The following MRPS30 variants were observed in gnomAD, a reference collection of about 807,000 sequenced individuals.
MRPS30 encodes large ribosomal subunit protein mL65.
MRPS30 carries 42 observed loss-of-function variants against 43.8 expected under a neutral mutation model. That is an observed-to-expected ratio of 0.96 (90% CI 0.75 to 1.24). The LOEUF (loss-of-function observed/expected upper bound fraction) is 1.24, where lower values mean the gene tolerates loss of function less well. Among genes scored for constraint, MRPS30 ranks in the 50% most tolerant of loss-of-function variants. The probability of loss-of-function intolerance (pLI) is 0.00; values close to 1 mark genes in which losing one functional copy is unlikely to be tolerated. For missense variants in MRPS30, 638 were observed against 570.0 expected (o/e 1.12, Z -1.22); for synonymous variants, 273 against 228.2 (o/e 1.20, Z -1.77).
intron 1 of MRPS30, chr5:44,810,010 C>G: frequency 6.3e-6 from 1 of 158,836 alleles, no homozygotes; most frequent in Non-Finnish European, 1.4e-5. Context: ...TTTTCTTTTT[C>G]TTTAGTAACT....
In MRPS30 at chr5:44,815,209, A is replaced by G. The variant is rs78086852; in HGVS notation, c.*7A>G. On this transcript the variant is annotated 3_prime_UTR_variant, in exon 5 of 5. Coordinates refer to ENST00000507110, the MANE Select transcript of MRPS30 (RefSeq NM_016640.4). ...ACAGCTGTTGGAAAACTGAAAAAGC[A>G]TATTTGATTGAGAACTGTGGGAATA... The G allele has an allele frequency of 3.2e-6, 5 of 1,570,106 alleles. No homozygotes were observed. The East Asian group carries it at 9.0e-5, about 28-fold the overall frequency.
At chr5:44,809,957 G>A (rs1316218339) in intron 1 of MRPS30, 1 of 207,142 alleles carries the variant, frequency 4.8e-6, no homozygotes, top group East Asian at 1.1e-4. Context: ...TCACATGGCT[G>A]AGTAGTAACT....
At chr5:44,812,915 T>C (rs554282419) in intron 3 of MRPS30, among the ~76,000 whole-genome samples, 191 bp from the exon 4 acceptor site, 1 of 152,156 alleles carries the variant, frequency 6.6e-6, no homozygotes, top group Non-Finnish European at 1.5e-5. Context: ...TGAGAAATTA[T>C]GCTTTCCTGT....
chr5:44,815,326 A>C lies in MRPS30; in HGVS notation c.*124A>C. On this transcript the variant is annotated 3_prime_UTR_variant, in exon 5 of 5. Transcript: ENST00000507110. ...TTTGAGACAAATATTTCTTATGTCA[A>C]CCTGTTATTAGATCTCTTACTCTGC... 1 of 864,746 alleles carries C rather than the reference A, an allele frequency of 1.2e-6. No homozygotes were observed. Among genetic ancestry groups the C allele is most frequent in the South Asian group, 1.9e-5 (1 of 51,614 alleles). 53.6% of individuals were successfully genotyped at this position (864,746 alleles called of 1,614,324 possible). A position where few individuals can be genotyped will look rare whatever the true frequency, so the allele number is the denominator to read the frequency against.
rs1218602286 is a variant in MRPS30, at chr5:44,815,207, G to C, written c.*5G>C. On this transcript the variant is annotated 3_prime_UTR_variant, in exon 5 of 5. Transcript: ENST00000507110. ...TCACAGCTGTTGGAAAACTGAAAAA[G>C]CATATTTGATTGAGAACTGTGGGAA... The C allele has an allele frequency of 1.9e-6, 3 of 1,571,036 alleles. No individual in the cohort carries two copies. The highest frequency in any genetic ancestry group is 2.4e-5 in the South Asian group (2 of 84,342).
chr5:44,811,290 C>G lies in MRPS30; in HGVS notation c.747+136C>G, dbSNP rs1579857078. 7 of 976,654 alleles carry G rather than the reference C, an allele frequency of 7.2e-6. No homozygotes were observed. In the East Asian group the frequency reaches 1.8e-4, roughly 25 times the overall value. The allele number at this position is 976,654 out of a possible 1,614,324, so 60.5% of individuals were successfully genotyped here. A position where few individuals can be genotyped will look rare whatever the true frequency, so the allele number is the denominator to read the frequency against. On this transcript the variant is annotated intron_variant, in intron 2 of 4. Transcript: ENST00000507110. ...TTTCAAGTTTCCTTTTTGAAGACAT[C>G]ACCTCTCAAAAATCTTTTTAGCTTT... is the stretch of plus-strand genomic sequence containing the variant.
At position 44,808,978 on chromosome 5, in the gene MRPS30, T is replaced by G. The variant is rs763175776; in HGVS notation, c.16T>G (p.Cys6Gly). 1.2e-6 allele frequency: 2 copies of G among 1,601,664 alleles called. No individual in the cohort carries two copies. The highest frequency in any genetic ancestry group is 8.5e-7 in the Non-Finnish European group (1 of 1,174,632). ...GCGGGCAAAGATGGCGGCGGCCAGGTGTTGGAGGCCTTTGCTACGCGGTCC... is the reference window on the plus strand; with the variant it reads ...GCGGGCAAAGATGGCGGCGGCCAGGGGTTGGAGGCCTTTGCTACGCGGTCC... Reference protein sequence around the residue: MAAARCWRPLLRGPRL... With the variant: MAAARGWRPLLRGPRL... Residue 6 changes from cysteine to glycine, a missense_variant, in exon 1 of 5, where the codon TGT becomes GGT. Physicochemically the swap from Cys to Gly is radical, Grantham distance 159 (BLOSUM62 -3). Transcript: ENST00000507110.
At chr5:44,814,826 T>G in intron 4 of MRPS30, 87 bp from the exon 5 acceptor site, 1 of 1,259,500 alleles carries the variant, frequency 7.9e-7, no homozygotes, top group Non-Finnish European at 1.1e-6. Context: ...GTAGGAGGTA[T>G]TTGATACCCT....
At chr5:44,811,803 T>C in intron 2 of MRPS30, 112 bp from the exon 3 acceptor site, 1 of 679,068 alleles carries the variant, frequency 1.5e-6, no homozygotes. Flanking sequence ...GATAGTATTA[T>C]CAAATCATTT....
In MRPS30 at chr5:44,814,932, T is replaced by C. The variant is rs778284096; in HGVS notation, c.1050T>C (p.Asp350=). 2.5e-6 allele frequency: 4 copies of C among 1,610,950 alleles called. No individual in the cohort carries two copies. The highest frequency in any genetic ancestry group is 3.4e-6 in the Non-Finnish European group (4 of 1,178,484). The change falls in exon 5 of 5, where the codon GAT becomes GAC. Residue 350 remains aspartate (D), a synonymous_variant. Coordinates refer to ENST00000507110, the MANE Select transcript of MRPS30 (RefSeq NM_016640.4). ...AMYQGFWSEA[D]VTRPFVSQAV... is the part of the protein sequence containing the mutation. ...CTACAGGATTCTGGAGTGAAGCAGA[T>C]GTTACTCGACCTTTTGTCTCCCAGG...
chr5:44,810,820 G>A (rs969335565), intron 1 of MRPS30, among the ~76,000 whole-genome samples, 189 bp from the exon 2 acceptor site: 8 of 151,986 alleles, frequency 5.3e-5, no homozygotes, highest in Admixed American at 3.3e-4. Flanking sequence ...TGTAATGATG[G>A]CACAAGTAGA....
rs1452865643 is a variant in MRPS30 at position 44,809,347 on chromosome 5, C to T, written c.385C>T (p.Pro129Ser). 1 of 1,607,794 alleles carries T rather than the reference C, an allele frequency of 6.2e-7. No individual in the cohort carries two copies. Among genetic ancestry groups the T allele is most frequent in the Non-Finnish European group, 8.5e-7 (1 of 1,177,248 alleles). ...PPPPAEPEPE[P>S]EPEPEPALDL... ...GCCCCCAGCGGAGCCCGAGCCCGAGCCCGAACCCGAACCTGAACCTGCGCT... is the reference window on the plus strand; with the variant it reads ...GCCCCCAGCGGAGCCCGAGCCCGAGTCCGAACCCGAACCTGAACCTGCGCT... The change falls in exon 1 of 5, where the codon CCC (proline) becomes TCC (serine). Residue 129 changes from proline (P) to serine (S), a missense_variant. Coordinates refer to ENST00000507110, the MANE Select transcript of MRPS30 (RefSeq NM_016640.4).
intron 4 of MRPS30, among the ~76,000 whole-genome samples, chr5:44,814,107 T>A (rs1742884600): frequency 6.6e-6 from 1 of 152,002 alleles, no homozygotes; most frequent in Admixed American, 6.6e-5. Flanking sequence ...TGAAGGGTAA[T>A]GAAGAGTGGG....
In MRPS30 at chr5:44,809,339, A is replaced by T; in HGVS notation, c.377A>T (p.Glu126Val). 1 of 1,608,928 alleles carries T rather than the reference A, an allele frequency of 6.2e-7. No homozygotes were observed. The highest frequency in any genetic ancestry group is 8.5e-7 in the Non-Finnish European group (1 of 1,177,926). The change falls in exon 1 of 5, where the codon GAG (glutamate) becomes GTG (valine). Residue 126 changes from glutamate (E) to valine (V), a missense_variant. By Grantham distance (121) the Glu-to-Val change is moderately radical. Coordinates refer to ENST00000507110, the MANE Select transcript of MRPS30 (RefSeq NM_016640.4). ...CTGCCGCCGCCCCCAGCGGAGCCCGAGCCCGAGCCCGAACCCGAACCTGAA... is the reference window on the plus strand; with the variant it reads ...CTGCCGCCGCCCCCAGCGGAGCCCGTGCCCGAGCCCGAACCCGAACCTGAA... Reference protein sequence around the residue: ...SGLPPPPAEPEPEPEPEPEPA... With the variant: ...SGLPPPPAEPVPEPEPEPEPA...
chr5:44,813,159 C>A lies in MRPS30; in HGVS notation c.907C>A (p.Pro303Thr), dbSNP rs138293397. 2,793 of 1,613,306 alleles carry A rather than the reference C, an allele frequency of 1.7e-3. 3 individuals are homozygous for A. Among genetic ancestry groups the A allele is most frequent in the Non-Finnish European group, 2.2e-3 (2,594 of 1,179,648 alleles). ...CGGTCACACCCAGTTTCATCTGTTA[C>A]CTGACAAATTAAGAAGGGAAAGGCT... is the stretch of plus-strand genomic sequence containing the variant. ...CYGHTQFHLL[P>T]DKLRRERLLR... Residue 303 changes from proline to threonine, a missense_variant, in exon 4 of 5, where the codon CCT becomes ACT. Physicochemically the swap from Pro to Thr is conservative, Grantham distance 38. Transcript: ENST00000507110.
chr5:44,814,608 G>C (rs1158455997), intron 4 of MRPS30, among the ~76,000 whole-genome samples: 2 of 152,192 alleles, frequency 1.3e-5, no homozygotes, highest in Non-Finnish European at 2.9e-5. Context: ...CATAGTACCA[G>C]ATGTAGAAAG....
At chr5:44,811,830 TTTAAGA>T in intron 2 of MRPS30, 79 bp from the exon 3 acceptor site, 1 of 822,470 alleles carries the variant, frequency 1.2e-6, no homozygotes, top group South Asian at 2.7e-5. Flanking sequence ...ATCACCTCAT[TTTAAGA>T]TTTTTAAATC....
At chr5:44,812,175 A>T (rs554778179) in intron 3 of MRPS30, among the ~76,000 whole-genome samples, 155 bp downstream of exon 3, 1 of 152,346 alleles carries the variant, frequency 6.6e-6, no homozygotes. Context: ...TTATTACAAC[A>T]TGCATAAACA....
At chr5:44,813,347 A>C in intron 4 of MRPS30, 65 bp downstream of exon 4, 1 of 1,381,102 alleles carries the variant, frequency 7.2e-7, no homozygotes, top group Non-Finnish European at 9.6e-7. Context: ...TATAATGGTT[A>C]AAATTTTTTC....
Sources: gnomAD v4.1 joint callset for allele counts (sites outside exome capture counted in the v4.1 genomes callset) on GRCh38, gnomAD v4.1.1 for gene constraint, MANE v1.5 for transcripts, NCBI Gene and HGNC (gene_info 2026-07-23, HGNC 2026-07-21) for gene names.